USP34: variants seen among roughly 807,000 people sequenced by gnomAD.
The protein encoded by USP34 is ubiquitin specific peptidase 34.
A neutral mutation model predicts 460.3 loss-of-function variants in USP34; 70 were observed. The ratio of observed to expected loss-of-function variants is 0.15; its 90% CI spans 0.13 to 0.19. The LOEUF (loss-of-function observed/expected upper bound fraction) is 0.19, where lower values mean the gene tolerates loss of function less well. USP34 is among the 10% of genes least tolerant of loss of function. The pLI, the probability that USP34 is intolerant of heterozygous loss-of-function variation, is 1.00. For synonymous variants in USP34, 1,647 were observed against 1,405.3 expected (o/e 1.17, Z -3.85); for missense variants, 3,985 against 4,236.2 (o/e 0.94, Z 1.65).
chr2:61,379,981 A>G (rs1369025807), intron 7 of USP34, among the ~76,000 whole-genome samples, 188 bp downstream of exon 7: 1 of 152,266 alleles, frequency 6.6e-6, no homozygotes, highest in Non-Finnish European at 1.5e-5. Context: ...AAATCCATAT[A>G]AATCTAAGCT....
At chr2:61,434,235 C>G (rs1035051358) in intron 1 of USP34, among the ~76,000 whole-genome samples, 1 of 152,192 alleles carries the variant, frequency 6.6e-6, no homozygotes, top group Non-Finnish European at 1.5e-5. Context: ...ATAAGGGCCT[C>G]AGAAACATTA....
intron 1 of USP34, among the ~76,000 whole-genome samples, chr2:61,447,788 T>C (rs1219304173): frequency 6.6e-6 from 1 of 152,182 alleles, no homozygotes; most frequent in South Asian, 2.1e-4. Flanking sequence ...CAATCTCGGC[T>C]TGCTGCAACC....
chr2:61,428,704 G>A (rs892025926), intron 1 of USP34, among the ~76,000 whole-genome samples: 76 of 152,184 alleles, frequency 5.0e-4, no homozygotes, highest in Admixed American at 2.6e-3. Flanking sequence ...GCCACGGAAC[G>A]AGCAGTTTCT....
chr2:61,285,737 T>C (rs910702062), intron 34 of USP34, among the ~76,000 whole-genome samples: 1 of 152,144 alleles, frequency 6.6e-6, no homozygotes, highest in Non-Finnish European at 1.5e-5. Flanking sequence ...TCAACCATCC[T>C]GAAATAAGAA....
chr2:61,419,199 T>A (rs960582487), intron 2 of USP34, among the ~76,000 whole-genome samples: 3 of 151,928 alleles, frequency 2.0e-5, no homozygotes, highest in Admixed American at 6.6e-5. Flanking sequence ...TTTTTTTTTT[T>A]AAATAGAGAT....
intron 75 of USP34, among the ~76,000 whole-genome samples, chr2:61,201,205 T>C (rs1024639728): frequency 3.4e-5 from 5 of 147,976 alleles, no homozygotes; most frequent in Middle Eastern, 6.9e-3. Context: ...TCCATCCTCA[T>C]AGAAAGTTTT....
At chr2:61,229,134 G>A (rs1236187683) in intron 59 of USP34, 139 bp from the exon 60 acceptor site, 1 of 593,620 alleles carries the variant, frequency 1.7e-6, no homozygotes. Context: ...AGTAGTTATT[G>A]TGACTGGCTA....
chr2:61,439,793 G>A (rs1694915008), intron 1 of USP34, among the ~76,000 whole-genome samples: 1 of 152,224 alleles, frequency 6.6e-6, no homozygotes, highest in South Asian at 2.1e-4. Flanking sequence ...GACCTGCTCA[G>A]CCATACCCTG....
chr2:61,333,229 A>T (rs144878551), intron 19 of USP34, among the ~76,000 whole-genome samples: 128 of 152,218 alleles, frequency 8.4e-4, no homozygotes, highest in African/African-American at 2.9e-3. Flanking sequence ...TTCATTAATC[A>T]TAAGTTCTCC....
At chr2:61,217,557 A>C (rs1687438283) in intron 67 of USP34, among the ~76,000 whole-genome samples, 1 of 152,354 alleles carries the variant, frequency 6.6e-6, no homozygotes, top group Admixed American at 6.5e-5. Context: ...GCATTATAAC[A>C]ATGTTTCCCA....
At chr2:61,364,898 C>A (rs1023298403) in intron 10 of USP34, among the ~76,000 whole-genome samples, 2 of 151,692 alleles carry the variant, frequency 1.3e-5, no homozygotes, top group African/African-American at 2.4e-5. Flanking sequence ...CCACTGTACT[C>A]CAGCCTGGGC....
chr2:61,416,990 C>A, intron 2 of USP34: 1 of 1,322,048 alleles, frequency 7.6e-7, no homozygotes, highest in Non-Finnish European at 1.1e-6. Flanking sequence ...TCTTCAAATT[C>A]ATCGGCATTG....
intron 3 of USP34, among the ~76,000 whole-genome samples, chr2:61,404,562 A>AT (rs1693813789): frequency 6.6e-6 from 1 of 152,160 alleles, no homozygotes; most frequent in African/African-American, 2.4e-5. Flanking sequence ...TAAGACTACT[A>AT]TTTAAGGAAG....
At position 61,221,476 on chromosome 2, in the gene USP34, T is replaced by C. The variant is rs367924125; in HGVS notation, c.7899+26A>G. ...AATAAAATCCTCAGGAAAATAAACATTGAAAACACCTGCTGCAAGACTTAC... is the reference window on the plus strand; with the variant it reads ...AATAAAATCCTCAGGAAAATAAACACTGAAAACACCTGCTGCAAGACTTAC... On this transcript the variant is annotated intron_variant, in intron 66 of 79. Coordinates refer to ENST00000398571, the MANE Select transcript of USP34 (RefSeq NM_014709.4). The C allele has an allele frequency of 5.4e-5, 86 of 1,585,284 alleles. No homozygotes were observed. In the Admixed American group the frequency reaches 8.2e-4, roughly 15 times the overall value.
chr2:61,352,860 AAAGACGATG>A (rs1691985302), intron 10 of USP34, among the ~76,000 whole-genome samples: 3 of 152,260 alleles, frequency 2.0e-5, no homozygotes, highest in South Asian at 4.1e-4. Context: ...CGATGAAAAC[AAAGACGATG>A]AAGACGAAAA....
chr2:61,210,833 C>G (rs1287099509), intron 69 of USP34, among the ~76,000 whole-genome samples: 3 of 152,128 alleles, frequency 2.0e-5, no homozygotes, highest in Non-Finnish European at 4.4e-5. Context: ...ACCTCAGCCC[C>G]CCGAGGAGCT....
chr2:61,232,661 C>A, intron 57 of USP34, 129 bp from the exon 58 acceptor site: 2 of 755,290 alleles, frequency 2.6e-6, no homozygotes, highest in Non-Finnish European at 4.3e-6. Flanking sequence ...AAAAGTTTCT[C>A]TAATTGTCAT....
At chr2:61,463,936 T>C (rs1695682877) in intron 1 of USP34, among the ~76,000 whole-genome samples, 2 of 152,094 alleles carry the variant, frequency 1.3e-5, no homozygotes, top group Non-Finnish European at 2.9e-5. Flanking sequence ...CTCTAAACCT[T>C]AGTTCCCTCA....
chr2:61,217,177 T>C (rs13394263), intron 67 of USP34, among the ~76,000 whole-genome samples: 107 of 152,346 alleles, frequency 7.0e-4, no homozygotes, highest in African/African-American at 2.3e-3. Context: ...AATTATGTTT[T>C]TCTTTAAGAA....
Sources: gnomAD v4.1 joint callset for allele counts (sites outside exome capture counted in the v4.1 genomes callset) on GRCh38, gnomAD v4.1.1 for gene constraint, MANE v1.5 for transcripts, NCBI Gene and HGNC (gene_info 2026-07-23, HGNC 2026-07-21) for gene names.